Variants in CDC42BPB observed in about 807,000 individuals in gnomAD.
CDC42BPB encodes CDC42 binding protein kinase beta.
CDC42BPB carries 37 observed loss-of-function variants against 214.9 expected under a neutral mutation model. The ratio of observed to expected loss-of-function variants is 0.17; its 90% CI spans 0.13 to 0.23. The LOEUF (loss-of-function observed/expected upper bound fraction) is 0.23, where lower values mean the gene tolerates loss of function less well. CDC42BPB is among the 10% of genes least tolerant of loss of function. The pLI is 1.00. For synonymous variants in CDC42BPB, 931 were observed against 884.0 expected (o/e 1.05, Z -0.94); for missense variants, 1,694 against 2,227.0 (o/e 0.76, Z 4.82).
rs1893109826 is a variant in CDC42BPB at position 102,964,597 on chromosome 14, C to T, written c.2631G>A (p.Leu877=). Residue 877 remains leucine (L), a synonymous_variant, in exon 19 of 37, where the codon CTG becomes CTA. Transcript: ENST00000361246. ...CCGCCTCCAGGGCCGACTGCAGCTC[C>T]AGCCGCGCGGACATGTCCAGCTTCT... ...RSQKLDMSAR[L]ELQSALEAEI... is the part of the protein sequence containing the mutation. The T allele has an allele frequency of 1.9e-6, 3 of 1,613,974 alleles. No individual in the cohort carries two copies. Among genetic ancestry groups the T allele is most frequent in the Non-Finnish European group, 2.5e-6 (3 of 1,180,010 alleles).
intron 1 of CDC42BPB, chr14:103,041,604 C>T: frequency 1.2e-6 from 1 of 855,088 alleles, no homozygotes; most frequent in Non-Finnish European, 1.9e-6. Flanking sequence ...CCCACATTGC[C>T]CTGCACACCG....
chr14:102,946,821 C>T, intron 27 of CDC42BPB, 137 bp from the exon 28 acceptor site: 1 of 1,454,260 alleles, frequency 6.9e-7, no homozygotes, highest in South Asian at 1.4e-5. Context: ...ACCCCTGACT[C>T]CACCTCGCTG....
intron 1 of CDC42BPB, among the ~76,000 whole-genome samples, chr14:103,054,145 T>C (rs1347053383): frequency 1.3e-5 from 2 of 152,224 alleles, no homozygotes; most frequent in African/African-American, 2.4e-5. Flanking sequence ...ATTACAGGCA[T>C]GAGCCACTGC....
intron 1 of CDC42BPB, among the ~76,000 whole-genome samples, chr14:103,034,123 G>C (rs575977522): frequency 6.6e-6 from 1 of 152,326 alleles, no homozygotes; most frequent in East Asian, 1.9e-4. Flanking sequence ...CTCTCTTACT[G>C]TTAAAATGTT....
At position 102,948,871 on chromosome 14, in the gene CDC42BPB, C is replaced by T. The variant is rs12590243; in HGVS notation, c.3449+894G>A. 3.7e-4 allele frequency among the ~76,000 whole-genome samples: 56 copies of T among 152,160 alleles called. No homozygotes were observed. In the East Asian group the frequency reaches 9.3e-3, roughly 25 times the overall value. ...GCCCTTCACCACCAGGCCAGGGGCA[C>T]ACCTGTGCACAGCCAGGGACTGGCG... On this transcript the variant is annotated intron_variant, in intron 26 of 36. Coordinates refer to ENST00000361246, the MANE Select transcript of CDC42BPB (RefSeq NM_006035.4).
chr14:103,005,863 T>C (rs1441580478), intron 3 of CDC42BPB, among the ~76,000 whole-genome samples: 2 of 151,500 alleles, frequency 1.3e-5, no homozygotes, highest in African/African-American at 2.4e-5. Context: ...CTACTAAAAG[T>C]ACAAAAATTA....
chr14:103,017,188 C>T (rs1022079265), intron 1 of CDC42BPB, among the ~76,000 whole-genome samples: 2 of 152,060 alleles, frequency 1.3e-5, no homozygotes, highest in Admixed American at 6.5e-5. Context: ...CAGGGTGTAG[C>T]GGCACACACC....
In CDC42BPB at chr14:102,933,376, C is replaced by T. The variant is rs780411029; in HGVS notation, c.*336G>A. On this transcript the variant is annotated 3_prime_UTR_variant, in exon 37 of 37. Coordinates refer to ENST00000361246, the MANE Select transcript of CDC42BPB (RefSeq NM_006035.4). The stretch of plus-strand genomic sequence containing the variant: ...CCCAGATGTCTGCTTCCGAAGCAGC[C>T]GCGTCATGACGGGTTTCTGCTGAGG... 3 of 232,400 alleles carry T rather than the reference C, an allele frequency of 1.3e-5. No individual in the cohort carries two copies. The highest frequency in any genetic ancestry group is 2.5e-5 in the Non-Finnish European group (3 of 120,600). The allele number at this position is 232,400 out of a possible 1,614,324, so 14.4% of individuals were successfully genotyped here. A position where few individuals can be genotyped will look rare whatever the true frequency, so the allele number is the denominator to read the frequency against.
intron 36 of CDC42BPB, among the ~76,000 whole-genome samples, chr14:102,937,790 G>C (rs763160666): frequency 2.0e-5 from 3 of 152,270 alleles, no homozygotes; most frequent in Non-Finnish European, 4.4e-5. Flanking sequence ...TCACATTGAA[G>C]TACATAAAAC....
At chr14:102,991,601 G>A (rs1894490664) in intron 5 of CDC42BPB, among the ~76,000 whole-genome samples, 1 of 152,162 alleles carries the variant, frequency 6.6e-6, no homozygotes, top group South Asian at 2.1e-4. Context: ...AATGCTCTTG[G>A]TACATGCAGC....
chr14:103,044,413 A>G (rs1434357104), intron 1 of CDC42BPB, among the ~76,000 whole-genome samples: 3 of 134,420 alleles, frequency 2.2e-5, no homozygotes, highest in Non-Finnish European at 4.6e-5. Context: ...TCTGTCACCC[A>G]GGCTCGAGTG....
chr14:102,976,691 C>T (rs1046552186), intron 9 of CDC42BPB, among the ~76,000 whole-genome samples: 2 of 152,236 alleles, frequency 1.3e-5, no homozygotes, highest in Admixed American at 6.5e-5. Flanking sequence ...TGAGCTCCTA[C>T]GCAGAGTTCC....
chr14:102,978,072 G>A, intron 9 of CDC42BPB, 54 bp downstream of exon 9: 5 of 1,364,092 alleles, frequency 3.7e-6, no homozygotes, highest in Non-Finnish European at 5.2e-6. Flanking sequence ...GTGTCTGACT[G>A]TTCATCTACC....
Position 103,051,604 on chromosome 14 carries a change from G to A in CDC42BPB, c.175+5395C>T, listed in dbSNP as rs116686645. Among the ~76,000 whole-genome samples, 602 of 152,330 alleles carry A rather than the reference G, an allele frequency of 4.0e-3. 3 individuals are homozygous for A. Among genetic ancestry groups the A allele is most frequent in the African/African-American group, 0.012 (505 of 41,582 alleles). On this transcript the variant is annotated intron_variant, in intron 1 of 36. Coordinates refer to ENST00000361246, the MANE Select transcript of CDC42BPB (RefSeq NM_006035.4). ...CCTGGCTTGCGACAAGAGGCAGGGC[G>A]GAGGCAAGCAGAGGAGCTCTCTGTC...
chr14:102,945,186 T>C (rs745968648), intron 29 of CDC42BPB: 1 of 454,498 alleles, frequency 2.2e-6, no homozygotes, highest in South Asian at 1.6e-5. Flanking sequence ...GAAATGTCGC[T>C]GGATTCCTTG....
At chr14:103,025,995 G>A (rs10130379) in intron 1 of CDC42BPB, among the ~76,000 whole-genome samples, 5,156 of 152,164 alleles carry the variant, frequency 0.034, 273 homozygotes, top group African/African-American at 0.12. Flanking sequence ...TGGGGTGGCT[G>A]GACAACCACA....
At chr14:103,038,950 A>G (rs1031176195) in intron 1 of CDC42BPB, among the ~76,000 whole-genome samples, 1 of 152,192 alleles carries the variant, frequency 6.6e-6, no homozygotes, top group Non-Finnish European at 1.5e-5. Flanking sequence ...AAGGGACACT[A>G]CTGACATTAA....
intron 1 of CDC42BPB, among the ~76,000 whole-genome samples, chr14:103,055,895 G>A (rs1032607332): frequency 3.9e-5 from 6 of 152,214 alleles, no homozygotes; most frequent in Non-Finnish European, 8.8e-5. Flanking sequence ...GAACTGAACA[G>A]TCCTAGCCCA....
intron 1 of CDC42BPB, among the ~76,000 whole-genome samples, chr14:103,040,148 C>A (rs1329584363): frequency 6.6e-6 from 1 of 152,044 alleles, no homozygotes; most frequent in Non-Finnish European, 1.5e-5. Context: ...TGAGGTCAAG[C>A]GTTCGAGACC....
Sources: gnomAD v4.1 joint callset for allele counts (sites outside exome capture counted in the v4.1 genomes callset) on GRCh38, gnomAD v4.1.1 for gene constraint, MANE v1.5 for transcripts, NCBI Gene and HGNC (gene_info 2026-07-23, HGNC 2026-07-21) for gene names.